PTPRJ: variants seen among roughly 807,000 people sequenced by gnomAD.
PTPRJ encodes the protein protein tyrosine phosphatase receptor type J.
Under a neutral mutation model 141.3 loss-of-function variants are expected in PTPRJ, and 129 were observed. The observed-to-expected ratio is 0.91, with a 90% CI of 0.79 to 1.06. PTPRJ has a LOEUF of 1.06. Among genes scored for constraint, PTPRJ ranks in the 50% least tolerant of loss-of-function variants. The pLI is 0.00. For missense variants in PTPRJ, 1,601 were observed against 1,679.7 expected, an observed-to-expected ratio of 0.95 and a Z score of 0.82; for synonymous variants, 610 against 640.5, an observed-to-expected ratio of 0.95 and a Z score of 0.72.
At chr11:48,065,071 A>G (rs1316340061) in intron 1 of PTPRJ, among the ~76,000 whole-genome samples, 2 of 137,628 alleles carry the variant, frequency 1.5e-5, no homozygotes, top group African/African-American at 5.7e-5. Flanking sequence ...CTGGAGTGCA[A>G]TGGTGCGATC....
At chr11:48,085,263 T>G (rs1482463974) in intron 1 of PTPRJ, among the ~76,000 whole-genome samples, 4 of 149,768 alleles carry the variant, frequency 2.7e-5, no homozygotes, top group Non-Finnish European at 6.0e-5. Context: ...CTCTCACTTT[T>G]TTTTTTTTTT....
chr11:48,153,725 C>A (rs1857537928), intron 18 of PTPRJ, 71 bp from the exon 19 acceptor site: 1 of 1,046,312 alleles, frequency 9.6e-7, no homozygotes, highest in South Asian at 1.3e-5. Flanking sequence ...GTTTCACTGT[C>A]ATATGCTATG....
intron 1 of PTPRJ, among the ~76,000 whole-genome samples, chr11:48,091,481 A>T (rs1024657569): frequency 1.2e-4 from 19 of 152,330 alleles, no homozygotes; most frequent in African/African-American, 4.6e-4. Context: ...TTAGGGCAGG[A>T]TAGCTCTTGT....
chr11:47,995,797 T>C (rs1408450376), intron 1 of PTPRJ, among the ~76,000 whole-genome samples: 1 of 152,184 alleles, frequency 6.6e-6, no homozygotes, highest in Non-Finnish European at 1.5e-5. Context: ...CCCAGCACTT[T>C]GGGAGGCTGA....
At chr11:48,159,436 G>C (rs568507627) in intron 21 of PTPRJ, among the ~76,000 whole-genome samples, 19 of 152,280 alleles carry the variant, frequency 1.2e-4, no homozygotes, top group African/African-American at 3.6e-4. Flanking sequence ...GAGCTGGATG[G>C]GGACTGTGTC....
chr11:48,053,223 AATATATTAT>A (rs1565278338), intron 1 of PTPRJ, among the ~76,000 whole-genome samples: 1 of 89,024 alleles, frequency 1.1e-5, no homozygotes, highest in African/African-American at 5.4e-5. Context: ...TAATATATTA[AATATATTAT>A]ATATAATATA....
At chr11:48,144,388 T>A (rs180785305) in intron 12 of PTPRJ, among the ~76,000 whole-genome samples, 3 of 152,290 alleles carry the variant, frequency 2.0e-5, no homozygotes, top group Admixed American at 2.0e-4. Context: ...CAACTCTACC[T>A]CATAGGCAGT....
chr11:48,139,178 G>A (rs1857174102), intron 10 of PTPRJ, among the ~76,000 whole-genome samples: 1 of 152,146 alleles, frequency 6.6e-6, no homozygotes, highest in African/African-American at 2.4e-5. Context: ...AAGTGAGGAG[G>A]TTGCTACTTC....
At position 48,144,682 on chromosome 11, in the gene PTPRJ, C is replaced by G. The variant is rs138381450; in HGVS notation, c.2583C>G (p.His861Gln). The part of the protein sequence containing the change: ...AVILTTGEAG[H>Q]PSADVLKYTY... ...TCTGTGTACCTTTCTTAGCTGGTCACCCTTCTGCAGATGTCCTGAAATACA... is the reference window on the plus strand; with the variant it reads ...TCTGTGTACCTTTCTTAGCTGGTCAGCCTTCTGCAGATGTCCTGAAATACA... Residue 861 changes from histidine to glutamine, a missense_variant, in exon 13 of 25, where the codon CAC becomes CAG. His to Gln is a conservative substitution (Grantham distance 24, BLOSUM62 0). Transcript: ENST00000418331. The G allele has an allele frequency of 2.1e-5, 34 of 1,613,424 alleles. No individual in the cohort carries two copies. In the African/African-American group the frequency reaches 4.5e-4, roughly 22 times the overall value.
chr11:48,161,510 C>T (rs1757614264), intron 22 of PTPRJ, among the ~76,000 whole-genome samples: 1 of 152,186 alleles, frequency 6.6e-6, no homozygotes, highest in African/African-American at 2.4e-5. Context: ...ATTTCAGTTC[C>T]TCCTCTGGAG....
intron 1 of PTPRJ, among the ~76,000 whole-genome samples, chr11:48,083,361 G>A (rs1003922590): frequency 2.0e-5 from 3 of 152,186 alleles, no homozygotes; most frequent in African/African-American, 4.8e-5. Flanking sequence ...CCCGGGAGGC[G>A]AAGGTTGCAG....
chr11:47,982,797 G>C (rs1853945509), intron 1 of PTPRJ, among the ~76,000 whole-genome samples: 1 of 151,622 alleles, frequency 6.6e-6, no homozygotes, highest in African/African-American at 2.4e-5. Flanking sequence ...ATCCTTCCTT[G>C]TATTTCATTA....
At position 48,112,910 on chromosome 11, in the gene PTPRJ, C is replaced by A. The variant is rs776211910; in HGVS notation, c.279C>A (p.Asn93Lys). 1 of 1,614,086 alleles carries A rather than the reference C, an allele frequency of 6.2e-7. No individual in the cohort carries two copies. Among genetic ancestry groups the A allele is most frequent in the East Asian group, 2.2e-5 (1 of 44,882 alleles). ...TSEDGESSGA[N>K]DSLRTPEQGS... Reference sequence around the variant, plus strand: ...AGGATGGTGAAAGCTCTGGAGCCAACGATAGTTTAAGAACACCTGAACAAG... The same window carrying A: ...AGGATGGTGAAAGCTCTGGAGCCAAAGATAGTTTAAGAACACCTGAACAAG... Residue 93 changes from asparagine to lysine, a missense_variant, in exon 3 of 25, where the codon AAC (asparagine) becomes AAA (lysine). By Grantham distance (94) the Asn-to-Lys change is moderately conservative. Coordinates refer to ENST00000418331, the MANE Select transcript of PTPRJ (RefSeq NM_002843.4).
intron 15 of PTPRJ, among the ~76,000 whole-genome samples, chr11:48,147,364 G>A (rs76315518): frequency 0.026 from 4,009 of 152,328 alleles, 139 homozygotes; most frequent in South Asian, 0.14. Context: ...TAATCATTGT[G>A]CCTAACTTGT....
At chr11:48,016,854 C>T (rs1854961404) in intron 1 of PTPRJ, among the ~76,000 whole-genome samples, 1 of 152,090 alleles carries the variant, frequency 6.6e-6, no homozygotes, top group Non-Finnish European at 1.5e-5. Flanking sequence ...ACTTTACATA[C>T]ATTATCTTAA....
At chr11:48,156,358 T>G (rs1857600697) in intron 21 of PTPRJ, among the ~76,000 whole-genome samples, 1 of 152,188 alleles carries the variant, frequency 6.6e-6, no homozygotes, top group South Asian at 2.1e-4. Context: ...TTCTGTTTAT[T>G]ACGTTGCTGC....
intron 1 of PTPRJ, among the ~76,000 whole-genome samples, chr11:47,991,266 G>T (rs1411243825): frequency 6.6e-6 from 1 of 152,018 alleles, no homozygotes; most frequent in Admixed American, 6.5e-5. Flanking sequence ...CAGGGATATT[G>T]ACTGTGTCCC....
At chr11:48,145,556 A>ATTTTTTT in intron 14 of PTPRJ, among the ~76,000 whole-genome samples, 1 of 74,610 alleles carries the variant, frequency 1.3e-5, no homozygotes, top group South Asian at 4.8e-4. Flanking sequence ...ATTTTATTTT[A>ATTTTTTT]TGTTTTTTTT....
intron 1 of PTPRJ, among the ~76,000 whole-genome samples, chr11:48,087,944 G>T (rs538246855): frequency 6.6e-6 from 1 of 152,190 alleles, no homozygotes; most frequent in Non-Finnish European, 1.5e-5. Flanking sequence ...GTCCCTGCAT[G>T]TATGATTACA....
Sources: gnomAD v4.1 joint callset for allele counts (sites outside exome capture counted in the v4.1 genomes callset) on GRCh38, gnomAD v4.1.1 for gene constraint, MANE v1.5 for transcripts, NCBI Gene and HGNC (gene_info 2026-07-23, HGNC 2026-07-21) for gene names.